The following MLH3 variants were observed in gnomAD, a reference collection of about 807,000 sequenced individuals.
The protein encoded by MLH3 is DNA mismatch repair protein Mlh3.
In MLH3, 82 loss-of-function variants were observed where a neutral mutation model predicts 122.2. The ratio of observed to expected loss-of-function variants is 0.67; its 90% CI spans 0.56 to 0.81. The LOEUF (loss-of-function observed/expected upper bound fraction) is 0.81, where lower values mean the gene tolerates loss of function less well. Among genes scored for constraint, MLH3 ranks in the 30% least tolerant of loss-of-function variants. The pLI is 0.00. For missense variants in MLH3, 1,539 were observed against 1,714.5 expected (o/e 0.90, Z 1.81); for synonymous variants, 524 against 599.5 (o/e 0.87, Z 1.84).
chr14:75,044,060 G>T (rs1020682407), intron 2 of MLH3, among the ~76,000 whole-genome samples: 1 of 151,958 alleles, frequency 6.6e-6, no homozygotes, highest in Admixed American at 6.6e-5. Context: ...TTTCACTTTA[G>T]CCTGGGCAAC....
At chr14:75,021,504 A>C (rs1021990962) in intron 11 of MLH3, among the ~76,000 whole-genome samples, 1 of 152,234 alleles carries the variant, frequency 6.6e-6, no homozygotes, top group African/African-American at 2.4e-5. Flanking sequence ...AACCCTATTA[A>C]AAAATGGGCA....
At chr14:75,037,621 ATAT>A (rs890959846) in intron 6 of MLH3, among the ~76,000 whole-genome samples, 4 of 152,188 alleles carry the variant, frequency 2.6e-5, no homozygotes, top group African/African-American at 9.7e-5. Context: ...AAACATGAAA[ATAT>A]TATTAAAAAG....
intron 5 of MLH3, among the ~76,000 whole-genome samples, chr14:75,038,841 TA>T (rs1472710600): frequency 2.0e-5 from 3 of 151,874 alleles, no homozygotes; most frequent in South Asian, 2.1e-4. Context: ...TATTTATTTT[TA>T]ATTTTTTTTT....
At chr14:75,038,512 G>A in intron 5 of MLH3, 100 bp from the exon 6 acceptor site, 1 of 826,414 alleles carries the variant, frequency 1.2e-6, no homozygotes, top group South Asian at 1.4e-5. Context: ...AGAGTTGTTT[G>A]CCTTATCACA....
At chr14:75,030,160 G>C (rs572064680) in intron 9 of MLH3, among the ~76,000 whole-genome samples, 1 of 152,162 alleles carries the variant, frequency 6.6e-6, no homozygotes, top group African/African-American at 2.4e-5. Flanking sequence ...TCTCTCAAAA[G>C]TAAAAACTTT....
intron 2 of MLH3, among the ~76,000 whole-genome samples, chr14:75,045,909 G>A (rs10140851): frequency 0.43 from 65,687 of 151,702 alleles, 15,945 homozygotes; most frequent in East Asian, 0.84. Flanking sequence ...GGCTGCGTGC[G>A]GGCTCACACC....
chr14:75,026,612 T>C (rs1375112429), intron 9 of MLH3, among the ~76,000 whole-genome samples: 1 of 152,140 alleles, frequency 6.6e-6, no homozygotes, highest in Non-Finnish European at 1.5e-5. Context: ...GAGGTGATAA[T>C]GACTGCATAC....
intron 2 of MLH3, among the ~76,000 whole-genome samples, chr14:75,044,373 G>A (rs1296386584): frequency 2.0e-5 from 3 of 152,306 alleles, no homozygotes. Context: ...AAATATTTAC[G>A]TTGAATATGG....
rs750008783 is a variant in MLH3, at chr14:75,039,996, C to G, written c.3485G>C (p.Ser1162Thr). The change falls in exon 5 of 13, where the codon AGT (serine) becomes ACT (threonine). Residue 1162 changes from serine (S) to threonine (T), a missense_variant. Coordinates refer to ENST00000355774, the MANE Select transcript of MLH3 (RefSeq NM_001040108.2). ...AACTGCTAAGCTCTCAGCCTGGCCA[C>G]TGCTTACATCAACAGCAACCTAGAA... Reference protein sequence around the residue: ...RYPEVAVDVSSGQAESLAVKI... With the variant: ...RYPEVAVDVSTGQAESLAVKI... 3.1e-6 allele frequency: 5 copies of G among 1,587,738 alleles called. No homozygotes were observed. In the African/African-American group the frequency reaches 6.7e-5, roughly 21 times the overall value.
At chr14:75,041,485 G>A (rs1891847927) in intron 4 of MLH3, 130 bp downstream of exon 4, 1 of 741,222 alleles carries the variant, frequency 1.3e-6, no homozygotes, top group Non-Finnish European at 2.3e-6. Context: ...GGAAGCGAAG[G>A]TTACGTGAGC....
intron 7 of MLH3, among the ~76,000 whole-genome samples, chr14:75,032,796 G>C: frequency 7.1e-6 from 1 of 140,928 alleles, no homozygotes; most frequent in Non-Finnish European, 1.6e-5. Context: ...TTACCACTTG[G>C]TGAACACACT....
chr14:75,050,485 C>T (rs1285099386), intron 1 of MLH3, among the ~76,000 whole-genome samples: 3 of 152,178 alleles, frequency 2.0e-5, no homozygotes, highest in Non-Finnish European at 4.4e-5. Flanking sequence ...CTGCAGCCTG[C>T]ACCTCCCGGG....
At chr14:75,029,577 C>T (rs1159446973) in intron 9 of MLH3, among the ~76,000 whole-genome samples, 1 of 151,830 alleles carries the variant, frequency 6.6e-6, no homozygotes, top group Non-Finnish European at 1.5e-5. Context: ...CTCTTGTTGC[C>T]CAGGCTGGAG....
chr14:75,030,457 G>GA lies in MLH3; in HGVS notation c.3987+85dup, dbSNP rs1489165748. The GA allele has an allele frequency of 3.7e-6, 5 of 1,352,844 alleles. No individual in the cohort carries two copies. The Admixed American group carries it at 5.0e-5, about 14-fold the overall frequency. The allele number at this position is 1,352,844 out of a possible 1,614,324, so 83.8% of individuals were successfully genotyped here. On this transcript the variant is annotated intron_variant, in intron 9 of 12. Coordinates refer to ENST00000355774, the MANE Select transcript of MLH3 (RefSeq NM_001040108.2). ...GTAAATACCATGAATACTTGTTGAA[G>GA]AAAAGATGAATTCAGAGAATCTACA...
intron 11 of MLH3, among the ~76,000 whole-genome samples, chr14:75,021,705 C>G (rs930766690): frequency 6.6e-6 from 1 of 152,160 alleles, no homozygotes; most frequent in Non-Finnish European, 1.5e-5. Context: ...GCAAAGAAAA[C>G]AGAACACTTA....
At position 75,049,575 on chromosome 14, in the gene MLH3, C is replaced by T; in HGVS notation, c.81G>A (p.Glu27=). 3 of 1,614,182 alleles carry T rather than the reference C, an allele frequency of 1.9e-6. No individual in the cohort carries two copies. Among genetic ancestry groups the T allele is most frequent in the South Asian group, 2.2e-5 (2 of 91,080 alleles). ...CATCAATACTGTTGAGGGCAAGTTCCTCAACACATTGGCCCAAGGAGCTTA... is the reference window on the plus strand; with the variant it reads ...CATCAATACTGTTGAGGGCAAGTTCTTCAACACATTGGCCCAAGGAGCTTA... The part of the protein sequence containing the change: ...LAISSLGQCV[E]ELALNSIDAE... Residue 27 remains glutamate (E), a synonymous_variant, in exon 2 of 13, where the codon GAG becomes GAA. Transcript: ENST00000355774.
chr14:75,049,410 C>A lies in MLH3; in HGVS notation c.246G>T (p.Gln82His), dbSNP rs1407041352. The change falls in exon 2 of 13, where the codon CAG (glutamine) becomes CAT (histidine). Residue 82 changes from glutamine (Q) to histidine (H), a missense_variant. By Grantham distance (24) the Gln-to-His change is conservative (BLOSUM62 0). Transcript: ENST00000355774. ...CATAAAACCTTGGATTCTCCAAGTC[C>A]TGTACCGAGTGGCATTTACTGGTGA... ...RYFTSKCHSVQDLENPRFYGF... is the reference protein window; with the variant it reads ...RYFTSKCHSVHDLENPRFYGF... 6.2e-7 allele frequency: 1 copy of A among 1,614,110 alleles called. No individual in the cohort carries two copies. Among genetic ancestry groups the A allele is most frequent in the Non-Finnish European group, 8.5e-7 (1 of 1,180,052 alleles).
At chr14:75,035,736 C>T (rs1212314603) in intron 6 of MLH3, among the ~76,000 whole-genome samples, 2 of 152,146 alleles carry the variant, frequency 1.3e-5, no homozygotes, top group African/African-American at 4.8e-5. Context: ...CCTGCAGGTA[C>T]TATCAAGCTG....
rs1195195326 is a variant in MLH3 at position 75,016,090 on chromosome 14, T to C, written c.*992A>G. The C allele has an allele frequency of 4.0e-5, 9 of 225,932 alleles. No homozygotes were observed. Among genetic ancestry groups the C allele is most frequent in the East Asian group, 6.4e-5 (1 of 15,606 alleles). 14.0% of individuals were successfully genotyped at this position (225,932 alleles called of 1,614,324 possible). A position where few individuals can be genotyped will look rare whatever the true frequency, so the allele number is the denominator to read the frequency against. On this transcript the variant is annotated 3_prime_UTR_variant, in exon 13 of 13. Transcript: ENST00000355774. ...ATCATGTGAAAAGGTGCGGGAAAAA[T>C]AGATTGAGAATGGCATAACAAGCAT...
Sources: gnomAD v4.1 joint callset for allele counts (sites outside exome capture counted in the v4.1 genomes callset) on GRCh38, gnomAD v4.1.1 for gene constraint, MANE v1.5 for transcripts, NCBI Gene and HGNC (gene_info 2026-07-23, HGNC 2026-07-21) for gene names.